Variants in MLIP observed in about 807,000 individuals in gnomAD.
MLIP encodes muscular LMNA-interacting protein.
In MLIP, 79 loss-of-function variants were observed where a neutral mutation model predicts 84.8. That is an observed-to-expected ratio of 0.93 (90% CI 0.78 to 1.12). MLIP has a LOEUF of 1.12. MLIP is among the 50% of genes most tolerant of loss of function. The probability of loss-of-function intolerance (pLI) is 0.00; values close to 1 mark genes in which losing one functional copy is unlikely to be tolerated. For missense variants in MLIP, 1,257 were observed against 1,160.6 expected, an observed-to-expected ratio of 1.08 and a Z score of -1.21; for synonymous variants, 504 against 463.0, an observed-to-expected ratio of 1.09 and a Z score of -1.14.
intron 1 of MLIP, chr6:54,045,408 T>G (rs191195457): frequency 1.4e-4 from 21 of 152,296 alleles, no homozygotes; most frequent in Admixed American, 5.2e-4. Context: ...TTTTGAAAGT[T>G]TTACCCTTCT....
At chr6:54,182,331 T>C (rs1022519426) in intron 9 of MLIP, among the ~76,000 whole-genome samples, 9 of 152,178 alleles carry the variant, frequency 5.9e-5, no homozygotes, top group Admixed American at 1.3e-4. Flanking sequence ...CCAGTTGCTG[T>C]GCTCTTCCTT....
chr6:54,140,037 G>T (rs1199313017), intron 4 of MLIP, among the ~76,000 whole-genome samples: 14 of 152,028 alleles, frequency 9.2e-5, no homozygotes, highest in African/African-American at 2.9e-4. Flanking sequence ...GAGGTAAATT[G>T]ACCTGTTTAT....
rs4712055 is a variant in MLIP at position 54,120,427 on chromosome 6, T to G, written c.97-1020T>G. Among the ~76,000 whole-genome samples, 1,612 of 152,096 alleles carry G rather than the reference T, an allele frequency of 0.011. 66 individuals carry two copies. In the East Asian group the frequency reaches 0.11, roughly 10 times the overall value. ...TTTTTTTTTGTATTTTTAATAGAGA[T>G]GGGGTTTCACCATGTTAGCCAGGCT... On this transcript the variant is annotated intron_variant, in intron 1 of 13. Coordinates refer to ENST00000502396, the MANE Select transcript of MLIP (RefSeq NM_001281747.2).
intron 11 of MLIP, among the ~76,000 whole-genome samples, chr6:54,214,342 A>G (rs77169223): frequency 0.013 from 2,020 of 152,302 alleles, 45 homozygotes; most frequent in African/African-American, 0.046. Context: ...CATTTATTCT[A>G]GATTTACTTG....
intron 1 of MLIP, among the ~76,000 whole-genome samples, chr6:54,054,430 CA>C (rs60998933): frequency 0.49 from 63,741 of 131,186 alleles, 14,922 homozygotes; most frequent in Non-Finnish European, 0.57. Flanking sequence ...GAAAAAAAGG[CA>C]AAAAAAAAAA....
Position 54,202,114 on chromosome 6 carries a change from G to A in MLIP, c.2599G>A (p.Gly867Arg). The change falls in exon 11 of 14, where the codon GGA becomes AGA. Residue 867 changes from glycine to arginine, a missense_variant. Gly to Arg is a moderately radical substitution (Grantham distance 125, BLOSUM62 -2). Coordinates refer to ENST00000502396, the MANE Select transcript of MLIP (RefSeq NM_001281747.2). ...TTTTACATTCATGAAGACTAAGCCTGGAGTAATTCGCCCAGTACCTGTAAA... is the reference window on the plus strand; with the variant it reads ...TTTTACATTCATGAAGACTAAGCCTAGAGTAATTCGCCCAGTACCTGTAAA... ...TVSESQLTKP[G>R]VIRPVPVKSR... The A allele has an allele frequency of 1.9e-6, 3 of 1,582,068 alleles. No individual in the cohort carries two copies. Among genetic ancestry groups the A allele is most frequent in the Non-Finnish European group, 2.6e-6 (3 of 1,162,566 alleles).
chr6:54,265,016 C>T (rs992113389), intron 13 of MLIP, among the ~76,000 whole-genome samples: 1 of 152,096 alleles, frequency 6.6e-6, no homozygotes, highest in African/African-American at 2.4e-5. Context: ...GTCACCACTG[C>T]TTCTTCACCT....
chr6:54,072,776 G>A (rs183744121), intron 1 of MLIP, among the ~76,000 whole-genome samples: 63 of 152,238 alleles, frequency 4.1e-4, no homozygotes, highest in South Asian at 1.0e-3. Context: ...CTATCCTTCC[G>A]TCTGTGAATA....
chr6:54,106,594 T>A (rs549362723), upstream of MLIP, among the ~76,000 whole-genome samples: 1 of 152,322 alleles, frequency 6.6e-6, no homozygotes, highest in African/African-American at 2.4e-5. Flanking sequence ...TACTAATACA[T>A]TGATGAGCGA....
At chr6:54,220,311 G>A (rs1188809165) in intron 11 of MLIP, among the ~76,000 whole-genome samples, 1 of 152,120 alleles carries the variant, frequency 6.6e-6, no homozygotes, top group Non-Finnish European at 1.5e-5. Flanking sequence ...TCATGAAGCT[G>A]TGCAATTTTC....
At chr6:54,251,339 T>A (rs753627977) in intron 12 of MLIP, among the ~76,000 whole-genome samples, 3 of 149,246 alleles carry the variant, frequency 2.0e-5, no homozygotes, top group African/African-American at 5.0e-5. Context: ...TTTACAAGAT[T>A]TCCTGGGTTC....
intron 1 of MLIP, among the ~76,000 whole-genome samples, chr6:54,098,134 G>A (rs1164789907): frequency 6.9e-6 from 1 of 144,534 alleles, no homozygotes; most frequent in Non-Finnish European, 1.5e-5. Flanking sequence ...GTTAAGTCTT[G>A]GGGATTTTTC....
chr6:54,211,565 C>G (rs1225360872), intron 11 of MLIP, among the ~76,000 whole-genome samples: 1 of 152,220 alleles, frequency 6.6e-6, no homozygotes, highest in Non-Finnish European at 1.5e-5. Context: ...TGTATTCTGG[C>G]TGTGACATTG....
At chr6:54,050,008 T>C (rs1561892573) in intron 1 of MLIP, among the ~76,000 whole-genome samples, 2 of 152,160 alleles carry the variant, frequency 1.3e-5, no homozygotes, top group African/African-American at 4.8e-5. Context: ...TTTGATTACA[T>C]GATTTGATAC....
At chr6:54,182,793 C>A (rs1777017178) in intron 9 of MLIP, among the ~76,000 whole-genome samples, 1 of 152,084 alleles carries the variant, frequency 6.6e-6, no homozygotes, top group Admixed American at 6.5e-5. Flanking sequence ...TAAAGAATAA[C>A]CTCTGAAAAT....
chr6:54,028,207 G>A (rs1489974566), intron 1 of MLIP, among the ~76,000 whole-genome samples: 3 of 152,014 alleles, frequency 2.0e-5, no homozygotes, highest in Non-Finnish European at 4.4e-5. Flanking sequence ...ATTTCTCAAG[G>A]GTCCTTTTAT....
intron 1 of MLIP, among the ~76,000 whole-genome samples, chr6:54,112,840 A>G (rs1326975847): frequency 1.3e-5 from 2 of 152,198 alleles, no homozygotes; most frequent in African/African-American, 2.4e-5. Context: ...TTGTAAAAGC[A>G]TACCTTATTC....
intron 1 of MLIP, among the ~76,000 whole-genome samples, chr6:54,051,128 C>G (rs946842985): frequency 6.6e-6 from 1 of 151,956 alleles, no homozygotes; most frequent in Non-Finnish European, 1.5e-5. Flanking sequence ...TCTCCCCACT[C>G]TCAACCTCCT....
At chr6:54,028,908 C>T (rs1763971954) in intron 1 of MLIP, 1 of 152,222 alleles carries the variant, frequency 6.6e-6, no homozygotes, top group East Asian at 1.9e-4. Flanking sequence ...TCATCTTCAT[C>T]TGGCTGTCTA....
Sources: gnomAD v4.1 joint callset for allele counts (sites outside exome capture counted in the v4.1 genomes callset) on GRCh38, gnomAD v4.1.1 for gene constraint, MANE v1.5 for transcripts, NCBI Gene and HGNC (gene_info 2026-07-23, HGNC 2026-07-21) for gene names.